Variants in MYO18B observed in about 807,000 individuals in gnomAD.
The protein encoded by MYO18B is myosin XVIIIB.
A neutral mutation model predicts 273.0 loss-of-function variants in MYO18B; 204 were observed. The ratio of observed to expected loss-of-function variants is 0.75; its 90% CI spans 0.67 to 0.84. The LOEUF (loss-of-function observed/expected upper bound fraction) is 0.84, where lower values mean the gene tolerates loss of function less well. MYO18B is among the 40% of genes least tolerant of loss of function. The pLI is 0.00. For synonymous variants in MYO18B, 1,330 were observed against 1,305.7 expected (o/e 1.02, Z -0.40); for missense variants, 3,212 against 3,287.6 (o/e 0.98, Z 0.56).
intron 39 of MYO18B, among the ~76,000 whole-genome samples, chr22:25,977,329 G>C (rs887995638): frequency 1.3e-5 from 2 of 151,860 alleles, no homozygotes; most frequent in South Asian, 2.1e-4. Flanking sequence ...ATTTGTATTT[G>C]TATTTGTATT....
intron 12 of MYO18B, among the ~76,000 whole-genome samples, chr22:25,821,192 G>A (rs988456115): frequency 5.9e-5 from 9 of 152,128 alleles, no homozygotes; most frequent in African/African-American, 2.2e-4. Flanking sequence ...CCCAGTAGTG[G>A]GATTGCTGGA....
chr22:25,874,177 A>G (rs1400846473), intron 22 of MYO18B, 109 bp from the exon 23 acceptor site: 1 of 1,368,604 alleles, frequency 7.3e-7, no homozygotes, highest in African/African-American at 1.5e-5. Context: ...AACTGCCAAC[A>G]AATATTGCAG....
intron 17 of MYO18B, among the ~76,000 whole-genome samples, chr22:25,843,207 C>T (rs1348195995): frequency 6.6e-6 from 1 of 152,084 alleles, no homozygotes; most frequent in Non-Finnish European, 1.5e-5. Context: ...CTCTTGGAAC[C>T]GATGTGCCTG....
At chr22:25,834,819 T>C (rs975670032) in intron 16 of MYO18B, among the ~76,000 whole-genome samples, 3 of 152,232 alleles carry the variant, frequency 2.0e-5, no homozygotes, top group Non-Finnish European at 2.9e-5. Context: ...GAGTGCTTTT[T>C]TTCTCCTCCC....
At chr22:25,976,843 AT>A (rs1271023054) in intron 39 of MYO18B, among the ~76,000 whole-genome samples, 1 of 152,138 alleles carries the variant, frequency 6.6e-6, no homozygotes, top group Non-Finnish European at 1.5e-5. Flanking sequence ...CTCATTTAAG[AT>A]GTTTCTTTGG....
chr22:25,774,878 C>T (rs1165598940), intron 7 of MYO18B, among the ~76,000 whole-genome samples: 1 of 152,218 alleles, frequency 6.6e-6, no homozygotes, highest in African/African-American at 2.4e-5. Flanking sequence ...GGTGCGACCC[C>T]GTGGGTAGAG....
At chr22:26,004,104 C>T (rs1934217769) in intron 41 of MYO18B, among the ~76,000 whole-genome samples, 1 of 151,326 alleles carries the variant, frequency 6.6e-6, no homozygotes, top group Admixed American at 6.6e-5. Flanking sequence ...TATATATACA[C>T]ATACACACAT....
Position 26,026,886 on chromosome 22 carries a change from G to C in MYO18B, c.6912G>C (p.Arg2304Ser). 6.2e-7 allele frequency: 1 copy of C among 1,604,162 alleles called. No individual in the cohort carries two copies. Among genetic ancestry groups the C allele is most frequent in the Non-Finnish European group, 8.5e-7 (1 of 1,174,466 alleles). The change falls in exon 43 of 44, where the codon AGG becomes AGC. Residue 2304 changes from arginine to serine, a missense_variant. Coordinates refer to ENST00000335473, the MANE Select transcript of MYO18B (RefSeq NM_032608.7). Reference protein sequence around the residue: ...AGSDEGNLSLRVGAKSPLEIE... With the variant: ...AGSDEGNLSLSVGAKSPLEIE... ...GTGACGAGGGAAACCTCTCGCTGAG[G>C]GTTGGGGCAAAGTCACCCCTGGAAA...
chr22:25,903,368 G>C, intron 30 of MYO18B: 1 of 453,936 alleles, frequency 2.2e-6, no homozygotes, highest in Non-Finnish European at 4.0e-6. Context: ...TCCTGTAGGT[G>C]CTCTGAGATC....
chr22:25,762,567 G>C (rs750761714), intron 2 of MYO18B, among the ~76,000 whole-genome samples: 1 of 152,254 alleles, frequency 6.6e-6, no homozygotes, highest in Non-Finnish European at 1.5e-5. Flanking sequence ...GGCCTAGGCC[G>C]TATTTCTGGG....
At chr22:25,884,782 C>A (rs1324127903) in intron 25 of MYO18B, 1 of 152,182 alleles carries the variant, frequency 6.6e-6, no homozygotes, top group African/African-American at 2.4e-5. Context: ...TGACTCTGTA[C>A]CTTCATTGCT....
intron 1 of MYO18B, among the ~76,000 whole-genome samples, chr22:25,753,339 T>G (rs911908303): frequency 6.6e-6 from 1 of 152,096 alleles, no homozygotes; most frequent in African/African-American, 2.4e-5. Context: ...AGCTAAGGAT[T>G]TGTAAACGCA....
chr22:26,027,218 T>C lies in MYO18B; in HGVS notation c.7244T>C (p.Met2415Thr). ...VFQNRQFAHL[M>T]EEPLGSDPFS... Reference sequence around the variant, plus strand: ...CAGAACCGCCAGTTTGCCCACCTGATGGAGGAACCTCTAGGCAGTGACCCA... The same window carrying C: ...CAGAACCGCCAGTTTGCCCACCTGACGGAGGAACCTCTAGGCAGTGACCCA... Residue 2415 changes from methionine to threonine, a missense_variant, in exon 43 of 44, where the codon ATG (methionine) becomes ACG (threonine). Physicochemically the swap from Met to Thr is moderately conservative, Grantham distance 81. Coordinates refer to ENST00000335473, the MANE Select transcript of MYO18B (RefSeq NM_032608.7). The surrounding 1 kb of genome is among the most constrained non-coding windows in gnomAD (Gnocchi z 4.1). 1 of 1,613,958 alleles carries C rather than the reference T, an allele frequency of 6.2e-7. No homozygotes were observed. The highest frequency in any genetic ancestry group is 1.6e-4 in the Middle Eastern group (1 of 6,062).
At chr22:25,795,336 C>T (rs145647958) in intron 11 of MYO18B, among the ~76,000 whole-genome samples, 1 of 152,308 alleles carries the variant, frequency 6.6e-6, no homozygotes, top group African/African-American at 2.4e-5. Context: ...TGATCCTAAT[C>T]ATTTTGAATC....
At position 25,828,770 on chromosome 22, in the gene MYO18B, C is replaced by T. The variant is rs200840458; in HGVS notation, c.2787-6C>T. ...CAGACATTCCACCTCTCTCTTCTCTCCCTAGATCCTTTTCCTCCCACCATC... is the reference window on the plus strand; with the variant it reads ...CAGACATTCCACCTCTCTCTTCTCTTCCTAGATCCTTTTCCTCCCACCATC... On this transcript the variant is annotated splice_polypyrimidine_tract_variant and splice_region_variant and intron_variant, in intron 14 of 43. Coordinates refer to ENST00000335473, the MANE Select transcript of MYO18B (RefSeq NM_032608.7). 6.2e-7 allele frequency: 1 copy of T among 1,612,512 alleles called. No homozygotes were observed. Among genetic ancestry groups the T allele is most frequent in the Non-Finnish European group, 8.5e-7 (1 of 1,179,318 alleles).
At chr22:25,970,819 T>TTA (rs199723512) in intron 39 of MYO18B, among the ~76,000 whole-genome samples, 1 of 136,058 alleles carries the variant, frequency 7.3e-6, no homozygotes, top group African/African-American at 3.2e-5. Flanking sequence ...GGAGAGAGAC[T>TTA]TAAACACTCA....
chr22:25,793,001 C>T (rs974578382), intron 11 of MYO18B, among the ~76,000 whole-genome samples: 5 of 152,156 alleles, frequency 3.3e-5, no homozygotes, highest in South Asian at 2.1e-4. Flanking sequence ...GGGTCATACC[C>T]GATTAACTTG....
chr22:25,861,479 T>C (rs1458180043), intron 21 of MYO18B, among the ~76,000 whole-genome samples: 1 of 152,222 alleles, frequency 6.6e-6, no homozygotes, highest in East Asian at 1.9e-4. Context: ...ACTCCAGCTA[T>C]CTTATGTTTA....
rs181526401 is a variant in MYO18B, at chr22:25,771,885, A to T, written c.1693-449A>T. 1.8e-3 allele frequency among the ~76,000 whole-genome samples: 270 copies of T among 152,252 alleles called. 8 individuals are homozygous for T. The East Asian group carries it at 0.05, about 28-fold the overall frequency. On this transcript the variant is annotated intron_variant, in intron 6 of 43. Coordinates refer to ENST00000335473, the MANE Select transcript of MYO18B (RefSeq NM_032608.7). ...TGCATGATGGGCTATGAGACCAGTG[A>T]GGTGGTTTGGCCATTGGCCTCCACT... is the stretch of plus-strand genomic sequence containing the variant.
Sources: allele counts gnomAD v4.1 joint callset (sites outside exome capture counted in the v4.1 genomes callset), GRCh38; gene constraint gnomAD v4.1.1; non-coding constraint Gnocchi (gnomAD v3.1); transcripts MANE v1.5; gene names NCBI Gene and HGNC (gene_info 2026-07-23, HGNC 2026-07-21).